Variants in ATP6V1G3 observed in about 807,000 individuals in gnomAD.
The protein encoded by ATP6V1G3 is V-type proton ATPase subunit G 3.
A neutral mutation model predicts 9.3 loss-of-function variants in ATP6V1G3; 9 were observed. That is an observed-to-expected ratio of 0.97 (90% CI 0.59 to 1.69). The LOEUF is 1.69. Ranked by LOEUF, ATP6V1G3 falls within the 40% of genes most tolerant of loss-of-function variation. ATP6V1G3 has a pLI of 0.00. For missense variants in ATP6V1G3, 133 were observed against 139.0 expected (o/e 0.96, Z 0.22); for synonymous variants, 43 against 43.8 (o/e 0.98, Z 0.07).
intron 1 of ATP6V1G3, among the ~76,000 whole-genome samples, chr1:198,532,556 A>G (rs79794004): frequency 0.059 from 8,961 of 152,296 alleles, 419 homozygotes; most frequent in Non-Finnish European, 0.088. Context: ...AAAATGGACA[A>G]TAAGTATATA....
At chr1:198,534,540 C>A (rs745339220) in intron 1 of ATP6V1G3, among the ~76,000 whole-genome samples, 4 of 152,098 alleles carry the variant, frequency 2.6e-5, no homozygotes, top group Non-Finnish European at 5.9e-5. Context: ...TTTGTTACAG[C>A]GTCTCTAGGA....
intron 1 of ATP6V1G3, among the ~76,000 whole-genome samples, chr1:198,531,453 G>A (rs1659895999): frequency 6.6e-6 from 1 of 152,160 alleles, no homozygotes; most frequent in South Asian, 2.1e-4. Context: ...CAAAAGCGGG[G>A]AGAAAAGACA....
chr1:198,523,288 T>G lies in ATP6V1G3; in HGVS notation c.*103A>C, dbSNP rs1483264731. On this transcript the variant is annotated 3_prime_UTR_variant, in exon 3 of 3. Coordinates refer to ENST00000367382, the MANE Select transcript of ATP6V1G3 (RefSeq NM_001376861.1). The stretch of plus-strand genomic sequence containing the variant: ...ATGTCACATTTCCTGTAAATGTAAA[T>G]TTAAGGTTCTCATTTCAAATTTCTC... The G allele has an allele frequency of 8.6e-7, 1 of 1,157,872 alleles. No individual in the cohort carries two copies. Among genetic ancestry groups the G allele is most frequent in the African/African-American group, 1.6e-5 (1 of 63,364 alleles). 71.7% of individuals were successfully genotyped at this position (1,157,872 alleles called of 1,614,324 possible).
chr1:198,535,688 T>C (rs1323191996), intron 1 of ATP6V1G3, among the ~76,000 whole-genome samples: 1 of 152,142 alleles, frequency 6.6e-6, no homozygotes, highest in Admixed American at 6.6e-5. Context: ...TTAAGTCTTT[T>C]ATAAGAGTTA....
chr1:198,540,507 C>T, intron 1 of ATP6V1G3, 62 bp downstream of exon 1: 4 of 1,544,166 alleles, frequency 2.6e-6, no homozygotes, highest in Non-Finnish European at 3.6e-6. Flanking sequence ...AAAGTCTATG[C>T]TTATCCCTGC....
intron 1 of ATP6V1G3, 106 bp from the exon 2 acceptor site, chr1:198,529,287 A>G (rs1659796702): frequency 1.9e-5 from 5 of 257,532 alleles, no homozygotes; most frequent in African/African-American, 4.6e-5. Context: ...ACAACTGTAC[A>G]TATATGTTAC....
chr1:198,529,011 A>G lies in ATP6V1G3; in HGVS notation c.183+70T>C, dbSNP rs547297783. 254 of 692,786 alleles carry G rather than the reference A, an allele frequency of 3.7e-4. 2 individuals are homozygous for G. In the African/African-American group the frequency reaches 4.4e-3, roughly 12 times the overall value. 42.9% of individuals were successfully genotyped at this position (692,786 alleles called of 1,614,324 possible). On this transcript the variant is annotated intron_variant, in intron 2 of 2. Coordinates refer to ENST00000367382, the MANE Select transcript of ATP6V1G3 (RefSeq NM_001376861.1). ...GCATATTTTTTTCTGTCAATATCCT[A>G]TATTAAACCTTATAAATATGAAGAT...
rs1474694353 is a variant in ATP6V1G3 at position 198,540,585 on chromosome 1, T to C, written c.66A>G (p.Leu22=). 2 of 1,614,052 alleles carry C rather than the reference T, an allele frequency of 1.2e-6. No individual in the cohort carries two copies. The highest frequency in any genetic ancestry group is 1.3e-5 in the African/African-American group (1 of 75,060). Residue 22 remains leucine, a synonymous_variant, in exon 1 of 3, where the codon CTA becomes CTG. Coordinates refer to ENST00000367382, the MANE Select transcript of ATP6V1G3 (RefSeq NM_001376861.1). ...LQAEKRAKDK[L]EEAKKRKGKR... is the part of the protein sequence containing the mutation. ...GAGACTTACTCTTCTTGGCTTCCTC[T>C]AGCTTGTCCTTGGCCCGTTTTTCTG...
intron 2 of ATP6V1G3, among the ~76,000 whole-genome samples, 154 bp from the exon 3 acceptor site, chr1:198,523,718 A>C (rs772411342): frequency 3.3e-5 from 5 of 152,208 alleles, no homozygotes; most frequent in Admixed American, 6.5e-5. Context: ...CATCAATGCC[A>C]TGAGTGGGAA....
chr1:198,533,840 GAAGA>G (rs1660003621), intron 1 of ATP6V1G3, among the ~76,000 whole-genome samples: 1 of 152,154 alleles, frequency 6.6e-6, no homozygotes, highest in Non-Finnish European at 1.5e-5. Context: ...AAAGTCAAAT[GAAGA>G]AAGAGTTTCA....
chr1:198,529,240 A>C (rs1659793905), intron 1 of ATP6V1G3, 59 bp from the exon 2 acceptor site: 1 of 381,572 alleles, frequency 2.6e-6, no homozygotes. Context: ...ATATATAAAT[A>C]TTTATTATAT....
chr1:198,529,894 G>T (rs1201629407), intron 1 of ATP6V1G3, among the ~76,000 whole-genome samples: 1 of 152,028 alleles, frequency 6.6e-6, no homozygotes, highest in Non-Finnish European at 1.5e-5. Flanking sequence ...AAGAGCAAAG[G>T]TGTAAGCCTT....
intron 1 of ATP6V1G3, among the ~76,000 whole-genome samples, chr1:198,535,325 A>G (rs1010986916): frequency 6.6e-6 from 1 of 152,288 alleles, no homozygotes; most frequent in Admixed American, 6.5e-5. Flanking sequence ...GTCTTTATGA[A>G]CAAAAACATC....
intron 2 of ATP6V1G3, among the ~76,000 whole-genome samples, chr1:198,524,982 T>C (rs1390116353): frequency 6.6e-6 from 1 of 152,170 alleles, no homozygotes; most frequent in East Asian, 1.9e-4. Context: ...GGCGCTTGGG[T>C]TCAAGTTCTT....
chr1:198,532,547 A>G (rs553056916), intron 1 of ATP6V1G3, among the ~76,000 whole-genome samples: 9 of 152,214 alleles, frequency 5.9e-5, no homozygotes, highest in Non-Finnish European at 1.3e-4. Context: ...TAAAAATAGA[A>G]AATGGACAAT....
intron 2 of ATP6V1G3, among the ~76,000 whole-genome samples, chr1:198,526,991 C>T (rs1272970302): frequency 4.6e-5 from 7 of 152,108 alleles, no homozygotes; most frequent in African/African-American, 9.7e-5. Context: ...TATTTGCTAA[C>T]GTACAGCCCA....
In ATP6V1G3 at chr1:198,523,526, T is replaced by C. The variant is rs755700313; in HGVS notation, c.222A>G (p.Glu74=). 3.1e-6 allele frequency: 5 copies of C among 1,613,260 alleles called. No individual in the cohort carries two copies. The South Asian group carries it at 5.5e-5, about 18-fold the overall frequency. Residue 74 remains glutamate, a synonymous_variant, in exon 3 of 3, where the codon GAA becomes GAG. Transcript: ENST00000367382. ...CTTGTATCTTCCCTAGTGTTTGTTC[T>C]TCTATTTCATCTGAGAGATTATTCT... The part of the protein sequence containing the change: ...GSQNNLSDEI[E]EQTLGKIQEL...
At chr1:198,535,510 G>C (rs1263791228) in intron 1 of ATP6V1G3, among the ~76,000 whole-genome samples, 1 of 151,698 alleles carries the variant, frequency 6.6e-6, no homozygotes, top group Non-Finnish European at 1.5e-5. Context: ...GTATTATCTA[G>C]AATGCAGAAA....
chr1:198,530,596 C>T (rs887517899), intron 1 of ATP6V1G3, among the ~76,000 whole-genome samples: 5 of 152,140 alleles, frequency 3.3e-5, no homozygotes, highest in African/African-American at 1.2e-4. Flanking sequence ...AACTACTGCT[C>T]TTCTGTTGCT....
Sources: gnomAD v4.1 joint callset for allele counts (sites outside exome capture counted in the v4.1 genomes callset) on GRCh38, gnomAD v4.1.1 for gene constraint, MANE v1.5 for transcripts, NCBI Gene and HGNC (gene_info 2026-07-23, HGNC 2026-07-21) for gene names.